Variants in MGAT4C observed in about 807,000 individuals in gnomAD.
MGAT4C encodes the protein MGAT4 family member C.
In MGAT4C, 19 loss-of-function variants were observed where a neutral mutation model predicts 40.1. That is an observed-to-expected ratio of 0.47 (90% CI 0.33 to 0.70). MGAT4C has a LOEUF of 0.70. Among genes scored for constraint, MGAT4C ranks in the 30% least tolerant of loss-of-function variants. The probability of loss-of-function intolerance (pLI) is 0.02; values close to 1 mark genes in which losing one functional copy is unlikely to be tolerated. For synonymous variants in MGAT4C, 181 were observed against 187.1 expected (o/e 0.97, Z 0.27); for missense variants, 491 against 563.2 (o/e 0.87, Z 1.30).
rs375413524 is a variant in MGAT4C at position 86,464,729 on chromosome 12, A to C, written c.-228-29464T>G. ...TTTTACAAAGGGAGTCTAGTCTATA[A>C]AATGTTAACACTGACTTAATATTCA... On this transcript the variant is annotated intron_variant, in intron 2 of 7. Coordinates refer to the MGAT4C transcript ENST00000548651. 7.9e-5 allele frequency among the ~76,000 whole-genome samples: 12 copies of C among 152,226 alleles called. No homozygotes were observed. In the South Asian group the frequency reaches 2.3e-3, roughly 29 times the overall value.
chr12:86,762,240 G>A lies in MGAT4C; in HGVS notation c.-261-34999C>T, dbSNP rs1478037298. ...TAATTTTTGTATTTTTTGTAGACATGGGGTTTCACTATGTTTCCCAGGCTT... is the reference window on the plus strand; with the variant it reads ...TAATTTTTGTATTTTTTGTAGACATAGGGTTTCACTATGTTTCCCAGGCTT... On this transcript the variant is annotated intron_variant, in intron 1 of 7. Transcript: ENST00000548651. Among the ~76,000 whole-genome samples, 6 of 151,738 alleles carry A rather than the reference G, an allele frequency of 4.0e-5. No homozygotes were observed. In the East Asian group the frequency reaches 1.2e-3, roughly 29 times the overall value.
At chr12:86,771,386 GGCTGGAAGAGTT>G (rs1477020294) in intron 1 of MGAT4C, among the ~76,000 whole-genome samples, 12 of 152,108 alleles carry the variant, frequency 7.9e-5, no homozygotes, top group African/African-American at 2.9e-4. Context: ...TTTATGTAGA[GGCTGGAAGAGTT>G]GTAAAATGTA....
intron 2 of MGAT4C, among the ~76,000 whole-genome samples, chr12:86,608,996 A>G (rs1962147291): frequency 6.6e-6 from 1 of 152,090 alleles, no homozygotes; most frequent in Non-Finnish European, 1.5e-5. Context: ...CATAGAGAAT[A>G]AAAAAATAAT....
intron 4 of MGAT4C, among the ~76,000 whole-genome samples, chr12:86,282,867 C>CT: frequency 6.6e-6 from 1 of 152,070 alleles, no homozygotes; most frequent in Non-Finnish European, 1.5e-5. Flanking sequence ...TTTCTGGACT[C>CT]TTGATTAAAT....
At chr12:86,331,848 A>T (rs536609678) in intron 4 of MGAT4C, among the ~76,000 whole-genome samples, 69 of 152,308 alleles carry the variant, frequency 4.5e-4, no homozygotes, top group Admixed American at 2.2e-3. Context: ...GTCTCTAACA[A>T]ATACAACCTA....
chr12:86,237,136 C>T (rs1456156429), intron 1 of MGAT4C, among the ~76,000 whole-genome samples: 2 of 151,392 alleles, frequency 1.3e-5, no homozygotes, highest in Non-Finnish European at 3.0e-5. Context: ...ATAGAAAACA[C>T]ACACACACCA....
intron 3 of MGAT4C, among the ~76,000 whole-genome samples, chr12:86,383,341 C>G (rs1183866012): frequency 6.6e-6 from 1 of 151,946 alleles, no homozygotes. Flanking sequence ...CACCTGAGGT[C>G]AAGAGATCGA....
At chr12:86,262,230 T>C (rs1952673384) in intron 4 of MGAT4C, among the ~76,000 whole-genome samples, 1 of 152,078 alleles carries the variant, frequency 6.6e-6, no homozygotes, top group Non-Finnish European at 1.5e-5. Context: ...ATCCAGACAG[T>C]TGTTTCTACC....
At chr12:86,507,424 T>G (rs1351148812) in intron 2 of MGAT4C, among the ~76,000 whole-genome samples, 1 of 152,198 alleles carries the variant, frequency 6.6e-6, no homozygotes, top group Non-Finnish European at 1.5e-5. Context: ...TTTGAATATC[T>G]GACTTGCTTT....
At position 85,980,046 on chromosome 12, in the gene MGAT4C, A is replaced by T. The variant is rs1884373107; in HGVS notation, c.680T>A (p.Val227Asp). ...AGTTAAGAAATTTTTTGAACATCGA[A>T]CATCATCTTCAAGCATTACATAATA... ...SDYYVMLEDD[V>D]RCSKNFLTAI... The change falls in exon 5 of 5, where the codon GTT becomes GAT. Residue 227 changes from valine to aspartate, a missense_variant. Val to Asp is a radical substitution (Grantham distance 152). Transcript: ENST00000611864. 6.2e-7 allele frequency: 1 copy of T among 1,613,648 alleles called. No homozygotes were observed. The highest frequency in any genetic ancestry group is 8.5e-7 in the Non-Finnish European group (1 of 1,179,860).
At chr12:86,081,849 G>A (rs772314041) in intron 1 of MGAT4C, among the ~76,000 whole-genome samples, 1 of 152,174 alleles carries the variant, frequency 6.6e-6, no homozygotes, top group Non-Finnish European at 1.5e-5. Context: ...GTGACAGGCT[G>A]TGGGTCCTGT....
chr12:85,985,334 T>A (rs1282832087), intron 3 of MGAT4C, among the ~76,000 whole-genome samples: 1 of 152,200 alleles, frequency 6.6e-6, no homozygotes, highest in Non-Finnish European at 1.5e-5. Context: ...TCAGATTTTC[T>A]AATCTATGGC....
At chr12:86,671,750 G>A (rs1035534588) in intron 2 of MGAT4C, among the ~76,000 whole-genome samples, 3 of 152,226 alleles carry the variant, frequency 2.0e-5, no homozygotes, top group African/African-American at 7.2e-5. Flanking sequence ...GCGAGAGGAT[G>A]TGACAATTGT....
intron 2 of MGAT4C, among the ~76,000 whole-genome samples, chr12:86,519,661 T>C (rs1233960108): frequency 6.6e-6 from 1 of 152,180 alleles, no homozygotes; most frequent in Admixed American, 6.5e-5. Flanking sequence ...ATTAGTGATG[T>C]TGATTATTTT....
intron 1 of MGAT4C, among the ~76,000 whole-genome samples, chr12:86,062,143 A>T (rs1486945874): frequency 6.6e-6 from 1 of 152,138 alleles, no homozygotes; most frequent in East Asian, 1.9e-4. Flanking sequence ...GGCATCTGGC[A>T]GGAGCCCCTC....
chr12:86,766,973 G>A (rs1046617863), intron 1 of MGAT4C, among the ~76,000 whole-genome samples: 1 of 152,014 alleles, frequency 6.6e-6, no homozygotes, highest in Admixed American at 6.6e-5. Flanking sequence ...AAAAGCAAGA[G>A]CAAACACATT....
chr12:86,344,010 CTTTG>C (rs1325513091), intron 3 of MGAT4C, among the ~76,000 whole-genome samples: 1 of 152,058 alleles, frequency 6.6e-6, no homozygotes, highest in Non-Finnish European at 1.5e-5. Context: ...TTCATTCTAC[CTTTG>C]TTTAACTTTT....
At chr12:86,340,858 A>T (rs966446727) in intron 3 of MGAT4C, among the ~76,000 whole-genome samples, 2 of 152,198 alleles carry the variant, frequency 1.3e-5, no homozygotes, top group African/African-American at 2.4e-5. Flanking sequence ...CTTCACAAGT[A>T]AACTTTTGAG....
chr12:86,483,541 T>C (rs1242585270), intron 2 of MGAT4C, among the ~76,000 whole-genome samples: 1 of 151,928 alleles, frequency 6.6e-6, no homozygotes, highest in Non-Finnish European at 1.5e-5. Flanking sequence ...GAAGTACAGT[T>C]TACTTAGAAA....
Sources: gnomAD v4.1 joint callset for allele counts (sites outside exome capture counted in the v4.1 genomes callset) on GRCh38, gnomAD v4.1.1 for gene constraint, MANE v1.5 for transcripts, NCBI Gene and HGNC (gene_info 2026-07-23, HGNC 2026-07-21) for gene names.